Variants in KCNB2 observed in about 807,000 individuals in gnomAD.
KCNB2 encodes potassium voltage-gated channel subfamily B member 2.
A neutral mutation model predicts 61.5 loss-of-function variants in KCNB2; 15 were observed. That is an observed-to-expected ratio of 0.24 (90% CI 0.16 to 0.38). The LOEUF (loss-of-function observed/expected upper bound fraction) is 0.38. Among genes scored for constraint, KCNB2 ranks in the 10% least tolerant of loss-of-function variants. The pLI is 1.00. For missense variants in KCNB2, 828 were observed against 1,125.2 expected (o/e 0.74, Z 3.78); for synonymous variants, 457 against 446.0 (o/e 1.02, Z -0.31).
At chr8:72,641,409 G>A (rs1174137663) in intron 2 of KCNB2, among the ~76,000 whole-genome samples, 1 of 152,006 alleles carries the variant, frequency 6.6e-6, no homozygotes, top group East Asian at 1.9e-4. Flanking sequence ...TGTACTGTGT[G>A]TTTCTATGTT....
chr8:72,633,917 G>A (rs908512830), intron 2 of KCNB2, among the ~76,000 whole-genome samples: 2 of 152,204 alleles, frequency 1.3e-5, no homozygotes, highest in East Asian at 1.9e-4. Context: ...AAAAAAAAAG[G>A]TCTGTGTGCA....
intron 2 of KCNB2, among the ~76,000 whole-genome samples, chr8:72,772,204 A>C (rs1808572622): frequency 6.6e-6 from 1 of 152,188 alleles, no homozygotes; most frequent in South Asian, 2.1e-4. Context: ...GCAGGGTCAC[A>C]TTATCCTCGA....
intron 2 of KCNB2, among the ~76,000 whole-genome samples, chr8:72,835,198 T>G (rs1018065281): frequency 2.6e-5 from 4 of 152,212 alleles, no homozygotes; most frequent in African/African-American, 9.6e-5. Flanking sequence ...GACTTCACAT[T>G]AATGCAGAAT....
chr8:72,919,380 A>G (rs1315877611), intron 2 of KCNB2, among the ~76,000 whole-genome samples: 1 of 152,186 alleles, frequency 6.6e-6, no homozygotes, highest in Non-Finnish European at 1.5e-5. Context: ...GATTCTCACT[A>G]TGGAGATTAA....
chr8:72,920,936 G>T (rs1201368583), intron 2 of KCNB2, among the ~76,000 whole-genome samples: 1 of 152,108 alleles, frequency 6.6e-6, no homozygotes, highest in Non-Finnish European at 1.5e-5. Context: ...TATAGATAAG[G>T]TATACACAGG....
chr8:72,664,299 G>A (rs773857634), intron 2 of KCNB2, among the ~76,000 whole-genome samples: 14 of 152,306 alleles, frequency 9.2e-5, no homozygotes, highest in African/African-American at 1.7e-4. Flanking sequence ...AAGTGTCAGC[G>A]TCTGAAGAAG....
intron 2 of KCNB2, among the ~76,000 whole-genome samples, chr8:72,924,775 G>GCC (rs1806602721): frequency 6.6e-6 from 1 of 152,102 alleles, no homozygotes; most frequent in Non-Finnish European, 1.5e-5. Flanking sequence ...TCAATGAAAG[G>GCC]CCCTTGTCTG....
intron 2 of KCNB2, among the ~76,000 whole-genome samples, chr8:72,818,294 A>G (rs1378553610): frequency 1.3e-5 from 2 of 152,214 alleles, no homozygotes; most frequent in African/African-American, 4.8e-5. Flanking sequence ...AGACAACTAG[A>G]TAAATTCAAA....
At chr8:72,586,221 C>T (rs1389024618) in intron 2 of KCNB2, among the ~76,000 whole-genome samples, 1 of 152,178 alleles carries the variant, frequency 6.6e-6, no homozygotes, top group African/African-American at 2.4e-5. Flanking sequence ...TTACCAGTGT[C>T]AAACCCATTA....
intron 2 of KCNB2, among the ~76,000 whole-genome samples, chr8:72,845,807 C>T (rs549202825): frequency 1.3e-5 from 2 of 152,198 alleles, no homozygotes; most frequent in African/African-American, 4.8e-5. Context: ...ACTCCAGCAT[C>T]CCAGGTAGAC....
chr8:72,559,633 G>A (rs1469082709), intron 1 of KCNB2, among the ~76,000 whole-genome samples: 1 of 152,202 alleles, frequency 6.6e-6, no homozygotes, highest in East Asian at 1.9e-4. Context: ...TCTAGGAAGT[G>A]CACCTCTCTT....
chr8:72,852,730 C>T (rs1470294976), intron 2 of KCNB2, among the ~76,000 whole-genome samples: 1 of 131,576 alleles, frequency 7.6e-6, no homozygotes, highest in Non-Finnish European at 1.6e-5. Flanking sequence ...GAATGTGTAA[C>T]AGTGAGCAAG....
At position 72,568,301 on chromosome 8, in the gene KCNB2, A is replaced by C. The variant is rs1331366332; in HGVS notation, c.567A>C (p.Ser189=). The C allele has an allele frequency of 2.5e-5, 41 of 1,610,658 alleles. No individual in the cohort carries two copies. Among genetic ancestry groups the C allele is most frequent in the Non-Finnish European group, 3.4e-5 (40 of 1,178,968 alleles). ...LWDLLEKPNS[S]VAAKILAIVS... ...ACTTGCTGGAGAAACCTAACTCATC[A>C]GTGGCTGCAAAGGTATGAAACCCAT... The change falls in exon 2 of 3, where the codon TCA becomes TCC. Residue 189 remains serine, a synonymous_variant. Coordinates refer to ENST00000523207, the MANE Select transcript of KCNB2 (RefSeq NM_004770.3).
chr8:72,898,643 G>T (rs889079561), intron 2 of KCNB2, among the ~76,000 whole-genome samples: 1 of 152,056 alleles, frequency 6.6e-6, no homozygotes, highest in Non-Finnish European at 1.5e-5. Context: ...GAGCTTCCTA[G>T]AAATGTACTT....
intron 2 of KCNB2, among the ~76,000 whole-genome samples, chr8:72,659,893 A>G (rs1469898574): frequency 6.6e-6 from 1 of 152,242 alleles, no homozygotes; most frequent in Non-Finnish European, 1.5e-5. Context: ...GTACACTGGA[A>G]AAACAAGAAG....
chr8:72,648,633 T>G (rs544773535), intron 2 of KCNB2, among the ~76,000 whole-genome samples: 2 of 152,002 alleles, frequency 1.3e-5, no homozygotes, highest in East Asian at 3.9e-4. Flanking sequence ...AAATTTATAT[T>G]AATGAATGAA....
chr8:72,737,189 G>A (rs1182109371), intron 2 of KCNB2, among the ~76,000 whole-genome samples: 1 of 152,044 alleles, frequency 6.6e-6, no homozygotes, highest in Non-Finnish European at 1.5e-5. Flanking sequence ...TGATAGTTCT[G>A]ATTTTTTAAC....
In KCNB2 at chr8:72,540,749, G is replaced by A. The variant is rs184772212; in HGVS notation, c.-94+2864G>A. ...TTGTGAGGCAGAAAGCCATGTGTGT[G>A]AGACAAGTAATCCCTTGACTTGTGT... On this transcript the variant is annotated intron_variant, in intron 1 of 2. Coordinates refer to ENST00000523207, the MANE Select transcript of KCNB2 (RefSeq NM_004770.3). Among the ~76,000 whole-genome samples, 306 of 152,224 alleles carry A rather than the reference G, an allele frequency of 2.0e-3. 2 individuals are homozygous for A. The highest frequency in any genetic ancestry group is 1.7e-3 in the Non-Finnish European group (118 of 67,974).
At chr8:72,654,099 G>C (rs1314948995) in intron 2 of KCNB2, among the ~76,000 whole-genome samples, 5 of 152,212 alleles carry the variant, frequency 3.3e-5, no homozygotes, top group African/African-American at 1.2e-4. Flanking sequence ...TCAATATTAT[G>C]CTCTCTGTTT....
Sources: allele counts gnomAD v4.1 joint callset (sites outside exome capture counted in the v4.1 genomes callset), GRCh38; gene constraint gnomAD v4.1.1; transcripts MANE v1.5; gene names NCBI Gene and HGNC (gene_info 2026-07-23, HGNC 2026-07-21).